Variants in POU2F2 observed in about 807,000 individuals in gnomAD.
The protein encoded by POU2F2 is POU domain, class 2, transcription factor 2.
POU2F2 carries 14 observed loss-of-function variants against 63.5 expected under a neutral mutation model. The ratio of observed to expected loss-of-function variants is 0.22; its 90% confidence interval spans 0.15 to 0.34. The LOEUF is 0.34. Among genes scored for constraint, POU2F2 ranks in the 10% least tolerant of loss-of-function variants. The pLI is 1.00. For missense variants in POU2F2, 607 were observed against 815.2 expected (o/e 0.74, Z 3.11); for synonymous variants, 306 against 348.6 (o/e 0.88, Z 1.36).
intron 1 of POU2F2, among the ~76,000 whole-genome samples, chr19:42,185,462 A>C (rs1011492924): frequency 1.3e-5 from 2 of 152,176 alleles, no homozygotes; most frequent in Non-Finnish European, 2.9e-5. Context: ...TCAGCTTTTC[A>C]GACCCTTCAC....
upstream of POU2F2, among the ~76,000 whole-genome samples, chr19:42,137,442 C>G (rs958423206): frequency 6.6e-6 from 1 of 152,146 alleles, no homozygotes; most frequent in Non-Finnish European, 1.5e-5. Context: ...AGAGGAGGGG[C>G]TGGGCATGGT....
chr19:42,156,234 G>A lies in POU2F2; in HGVS notation c.-9+4098C>T, dbSNP rs1267818083. 2 of 152,102 alleles carry A rather than the reference G, an allele frequency of 1.3e-5. No homozygotes were observed. Among genetic ancestry groups the A allele is most frequent in the Non-Finnish European group, 2.9e-5 (2 of 67,998 alleles). 9.4% of individuals were successfully genotyped at this position (152,102 alleles called of 1,614,324 possible). On this transcript the variant is annotated intron_variant, in intron 2 of 6. Coordinates refer to the POU2F2 transcript ENST00000524801. The surrounding 1 kb of genome is among the most constrained non-coding windows in gnomAD (Gnocchi z 4.1). ...GGATTCCAGGGACCCACTGGTCCCC[G>A]AACTGGCTCAGAGATGCAAGCCATT...
chr19:42,119,403 G>A (rs771454739), intron 4 of POU2F2, among the ~76,000 whole-genome samples: 1 of 152,156 alleles, frequency 6.6e-6, no homozygotes, highest in African/African-American at 2.4e-5. Flanking sequence ...GGCTGAGCGC[G>A]GTGGCTCGCC....
chr19:42,168,842 T>G (rs2146798091), intron 1 of POU2F2, among the ~76,000 whole-genome samples: 1 of 152,346 alleles, frequency 6.6e-6, no homozygotes, highest in East Asian at 1.9e-4. Context: ...TGTCACTTCC[T>G]CAGAGATGTT....
exon 1 of POU2F2, chr19:42,196,521 C>G (rs1176141674): frequency 6.6e-6 from 1 of 152,500 alleles, no homozygotes; most frequent in African/African-American, 2.4e-5. Context: ...CCCGCACAGG[C>G]CAACCCAAGG....
At chr19:42,170,360 A>T (rs960341976) in intron 1 of POU2F2, among the ~76,000 whole-genome samples, 1 of 151,532 alleles carries the variant, frequency 6.6e-6, no homozygotes, top group Non-Finnish European at 1.5e-5. Flanking sequence ...GCCACCAGAT[A>T]CATGGAAGGC....
At chr19:42,135,292 T>C (rs1199711475), upstream of POU2F2, among the ~76,000 whole-genome samples, 2 of 152,010 alleles carry the variant, frequency 1.3e-5, no homozygotes, top group East Asian at 3.9e-4. Context: ...GGAGATGAAC[T>C]TGGGCCCAAG....
At chr19:42,106,009 T>TTCTTTCTTTCTG (rs776768265) in intron 5 of POU2F2, among the ~76,000 whole-genome samples, 1 of 142,290 alleles carries the variant, frequency 7.0e-6, no homozygotes, top group African/African-American at 2.7e-5. Flanking sequence ...TTTTCTTTCT[T>TTCTTTCTTTCTG]TCTTTCTTTC....
intron 1 of POU2F2, among the ~76,000 whole-genome samples, chr19:42,189,592 T>C (rs2035053724): frequency 6.6e-6 from 1 of 152,198 alleles, no homozygotes; most frequent in Non-Finnish European, 1.5e-5. Context: ...AGAGTCGGTC[T>C]CTGTTGCTGC....
intron 5 of POU2F2, among the ~76,000 whole-genome samples, chr19:42,114,036 A>G (rs1444264358): frequency 6.6e-6 from 1 of 152,130 alleles, no homozygotes; most frequent in Non-Finnish European, 1.5e-5. Flanking sequence ...TGAAGACAGA[A>G]AGGGAAAGAT....
chr19:42,193,045 C>T (rs1440959583), intron 1 of POU2F2, among the ~76,000 whole-genome samples: 1 of 151,088 alleles, frequency 6.6e-6, no homozygotes, highest in Non-Finnish European at 1.5e-5. Context: ...ACGGTGAAAT[C>T]CCGTCTCTAC....
At chr19:42,165,316 G>A (rs1320650927) in intron 1 of POU2F2, among the ~76,000 whole-genome samples, 2 of 152,228 alleles carry the variant, frequency 1.3e-5, no homozygotes, top group Non-Finnish European at 2.9e-5. Context: ...GGGCGGGGTA[G>A]TACCAAGCCA....
At chr19:42,141,362 C>T (rs1312077519) in intron 2 of POU2F2, among the ~76,000 whole-genome samples, 1 of 152,110 alleles carries the variant, frequency 6.6e-6, no homozygotes, top group Non-Finnish European at 1.5e-5. Context: ...GAATCTGGTT[C>T]CTCCATTCAT....
chr19:42,194,224 A>G (rs901537214), intron 1 of POU2F2, among the ~76,000 whole-genome samples: 39 of 151,038 alleles, frequency 2.6e-4, no homozygotes, highest in African/African-American at 9.3e-4. Flanking sequence ...CTCTACAAAA[A>G]AAATAATAAT....
chr19:42,092,000 G>T lies in POU2F2; in HGVS notation c.1467-60C>A, dbSNP rs566211776. 5.3e-4 allele frequency: 820 copies of T among 1,538,618 alleles called. 1 individual carries two copies. Among genetic ancestry groups the T allele is most frequent in the Non-Finnish European group, 6.6e-4 (755 of 1,140,556 alleles). ...AGGGACCTGCCAACATAACTGGGGT[G>T]CCGCTCCCCACCCTAGAAGCAGCAG... On this transcript the variant is annotated intron_variant, in intron 13 of 14. Transcript: ENST00000692977.
At chr19:42,193,205 G>A (rs1227991312) in intron 1 of POU2F2, among the ~76,000 whole-genome samples, 2 of 136,824 alleles carry the variant, frequency 1.5e-5, no homozygotes, top group Non-Finnish European at 3.1e-5. Flanking sequence ...GCGACAGAAC[G>A]AGACTCCGTC....
rs535353969 is a variant in POU2F2 at position 42,095,424 on chromosome 19, G to C, written c.1059C>G (p.Ala353=). 1.2e-6 allele frequency: 2 copies of C among 1,613,676 alleles called. No homozygotes were observed. Among genetic ancestry groups the C allele is most frequent in the East Asian group, 4.5e-5 (2 of 44,864 alleles). ...KPTSEEILLI[A]EQLHMEKEVI... ...CTTCCTTCTCCATGTGCAGCTGCTCGGCGATCAGCAGGATCTCCTCTGAGG... is the reference window on the plus strand; with the variant it reads ...CTTCCTTCTCCATGTGCAGCTGCTCCGCGATCAGCAGGATCTCCTCTGAGG... Residue 353 remains alanine, a synonymous_variant, in exon 11 of 15, where the codon GCC becomes GCG. Transcript: ENST00000692977. This position sits in a 1 kb window ranked among gnomAD's most constrained non-coding sequence, Gnocchi z 7.1.
At chr19:42,167,614 T>C (rs2034678895) in intron 1 of POU2F2, among the ~76,000 whole-genome samples, 1 of 152,222 alleles carries the variant, frequency 6.6e-6, no homozygotes, top group Non-Finnish European at 1.5e-5. Context: ...CCAGAATGGC[T>C]TGAGCTTCCA....
rs939370606 is a variant in POU2F2, at chr19:42,092,228, C to T, written c.1307G>A (p.Arg436Gln). ...SSAVGTLHPS[R>Q]TAGGGGGGGG... ...CCCGCCCCCACCCCCTCCAGCTGTC[C>T]GGCTGGGGTGGAGCGTCCCCACAGC... is the stretch of plus-strand genomic sequence containing the variant. Residue 436 changes from arginine (R) to glutamine (Q), a missense_variant, in exon 13 of 15, where the codon CGG becomes CAG. Physicochemically the swap from Arg to Gln is conservative, Grantham distance 43. Coordinates refer to ENST00000692977, the MANE Select transcript of POU2F2 (RefSeq NM_001394376.1). This position sits in a 1 kb window ranked among gnomAD's most constrained non-coding sequence, Gnocchi z 5.0. 7 of 1,568,784 alleles carry T rather than the reference C, an allele frequency of 4.5e-6. No homozygotes were observed. The highest frequency in any genetic ancestry group is 1.3e-5 in the African/African-American group (1 of 74,444).
Sources: gnomAD v4.1 joint callset for allele counts (sites outside exome capture counted in the v4.1 genomes callset) on GRCh38, gnomAD v4.1.1 for gene constraint, Gnocchi (gnomAD v3.1) non-coding constraint, MANE v1.5 for transcripts, NCBI Gene and HGNC (gene_info 2026-07-23, HGNC 2026-07-21) for gene names.